The following SORCS3 variants were observed in gnomAD, a reference collection of about 807,000 sequenced individuals.
SORCS3 encodes sortilin related VPS10 domain containing receptor 3.
A neutral mutation model predicts 146.3 loss-of-function variants in SORCS3; 57 were observed. The observed-to-expected ratio is 0.39, with a 90% CI of 0.31 to 0.49. The LOEUF (loss-of-function observed/expected upper bound fraction) is 0.49. Ranked by LOEUF, SORCS3 falls within the 20% of genes least tolerant of loss-of-function variation. The pLI is 0.92. For missense variants in SORCS3, 1,341 were observed against 1,575.5 expected (o/e 0.85, Z 2.52); for synonymous variants, 653 against 618.5 (o/e 1.06, Z -0.83).
At chr10:104,711,572 G>T (rs2133438914) in intron 1 of SORCS3, among the ~76,000 whole-genome samples, 1 of 152,350 alleles carries the variant, frequency 6.6e-6, no homozygotes, top group Admixed American at 6.5e-5. Context: ...TAGCAATCCA[G>T]CTCAGGCCAC....
chr10:105,056,693 G>A (rs542358213), intron 5 of SORCS3, among the ~76,000 whole-genome samples: 1 of 152,272 alleles, frequency 6.6e-6, no homozygotes, highest in South Asian at 2.1e-4. Flanking sequence ...CTGATCTCAA[G>A]TTCCATTCTC....
At chr10:104,870,791 C>T (rs1487413985) in intron 2 of SORCS3, among the ~76,000 whole-genome samples, 2 of 152,210 alleles carry the variant, frequency 1.3e-5, no homozygotes, top group Non-Finnish European at 2.9e-5. Flanking sequence ...CCCACACTCT[C>T]TTATTCTCTT....
chr10:105,076,195 G>A (rs1184513570), intron 5 of SORCS3, among the ~76,000 whole-genome samples: 1 of 152,106 alleles, frequency 6.6e-6, no homozygotes, highest in African/African-American at 2.4e-5. Flanking sequence ...CTTGCCCAAG[G>A]TAACACAATT....
chr10:105,192,938 G>A (rs963650323), intron 14 of SORCS3, among the ~76,000 whole-genome samples: 8 of 152,168 alleles, frequency 5.3e-5, no homozygotes, highest in African/African-American at 1.9e-4. Flanking sequence ...TCTTTACAGA[G>A]CCTAGTCCTC....
At chr10:105,223,276 A>ATTAG in intron 20 of SORCS3, 27 bp downstream of exon 20, 1 of 1,595,828 alleles carries the variant, frequency 6.3e-7, no homozygotes, top group Non-Finnish European at 8.6e-7. Flanking sequence ...TTGATGTCAA[A>ATTAG]TTAGATCTGT....
At chr10:104,693,989 C>CG (rs1450975799) in intron 1 of SORCS3, among the ~76,000 whole-genome samples, 1 of 151,978 alleles carries the variant, frequency 6.6e-6, no homozygotes, top group Non-Finnish European at 1.5e-5. Flanking sequence ...CTCTCTTCAG[C>CG]AAGACACACA....
intron 3 of SORCS3, among the ~76,000 whole-genome samples, chr10:104,957,372 T>G (rs1226409034): frequency 6.6e-6 from 1 of 152,180 alleles, no homozygotes; most frequent in Non-Finnish European, 1.5e-5. Context: ...GGTTTGTTTA[T>G]TGGCTCTTAA....
chr10:104,968,650 C>G (rs1393353422), intron 3 of SORCS3, among the ~76,000 whole-genome samples: 3 of 152,160 alleles, frequency 2.0e-5, no homozygotes, highest in Admixed American at 1.3e-4. Flanking sequence ...GGATCTCTGT[C>G]CTGTTCGTAT....
intron 4 of SORCS3, among the ~76,000 whole-genome samples, chr10:104,978,472 G>T (rs1182234533): frequency 1.3e-5 from 2 of 152,172 alleles, no homozygotes; most frequent in African/African-American, 2.4e-5. Context: ...TTCTAGAAAT[G>T]AACTGGAGAT....
At chr10:104,664,919 T>A (rs923334014) in intron 1 of SORCS3, 13 of 152,222 alleles carry the variant, frequency 8.5e-5, no homozygotes, top group African/African-American at 3.1e-4. Context: ...GATCTTACAG[T>A]GAAGGGGGCT....
intron 3 of SORCS3, among the ~76,000 whole-genome samples, chr10:104,955,887 C>A (rs2019484178): frequency 6.6e-6 from 1 of 152,110 alleles, no homozygotes; most frequent in Non-Finnish European, 1.5e-5. Context: ...AAAAGTTCTT[C>A]TTGCCACAAA....
chr10:105,129,750 A>G (rs994189604), intron 7 of SORCS3, among the ~76,000 whole-genome samples: 3 of 151,934 alleles, frequency 2.0e-5, no homozygotes, highest in African/African-American at 7.3e-5. Context: ...CATCCTAAGA[A>G]CTTCTTCCCC....
At chr10:105,192,113 T>C (rs1468320875) in intron 14 of SORCS3, among the ~76,000 whole-genome samples, 1 of 152,182 alleles carries the variant, frequency 6.6e-6, no homozygotes, top group African/African-American at 2.4e-5. Flanking sequence ...TAAATTTGTA[T>C]GCCTTTGAAA....
chr10:104,977,925 T>A (rs2054910629), intron 4 of SORCS3, among the ~76,000 whole-genome samples: 1 of 151,834 alleles, frequency 6.6e-6, no homozygotes, highest in Non-Finnish European at 1.5e-5. Context: ...AGAGACGGGG[T>A]TTCACCAAGT....
At chr10:105,029,547 C>T (rs2055250968) in intron 4 of SORCS3, among the ~76,000 whole-genome samples, 2 of 152,184 alleles carry the variant, frequency 1.3e-5, no homozygotes, top group Non-Finnish European at 2.9e-5. Flanking sequence ...GTCTAATTGT[C>T]TTTCAGCATT....
chr10:104,750,944 C>T (rs2016975615), intron 1 of SORCS3, among the ~76,000 whole-genome samples: 1 of 152,038 alleles, frequency 6.6e-6, no homozygotes. Flanking sequence ...CTATGCATTT[C>T]TTAGTTCGGA....
chr10:105,080,471 T>C (rs929110662), intron 5 of SORCS3, among the ~76,000 whole-genome samples: 1 of 152,200 alleles, frequency 6.6e-6, no homozygotes, highest in Non-Finnish European at 1.5e-5. Context: ...TTGCAAATAT[T>C]TTCTCCCATT....
intron 4 of SORCS3, among the ~76,000 whole-genome samples, chr10:105,012,627 G>A (rs900741249): frequency 2.6e-5 from 4 of 152,108 alleles, no homozygotes; most frequent in Non-Finnish European, 2.9e-5. Context: ...TTTAATGCCA[G>A]GAGTTCCACC....
At chr10:104,664,099 AGGGCT>A (rs2015737193) in intron 1 of SORCS3, among the ~76,000 whole-genome samples, 1 of 152,088 alleles carries the variant, frequency 6.6e-6, no homozygotes, top group Non-Finnish European at 1.5e-5. Flanking sequence ...GGCGAGGGTG[AGGGCT>A]GGCTAAGGGT....
Sources: gnomAD v4.1 joint callset for allele counts (sites outside exome capture counted in the v4.1 genomes callset) on GRCh38, gnomAD v4.1.1 for gene constraint, MANE v1.5 for transcripts, NCBI Gene and HGNC (gene_info 2026-07-23, HGNC 2026-07-21) for gene names.